The following CCDC192 variants were observed in gnomAD, a reference collection of about 807,000 sequenced individuals.
The protein encoded by CCDC192 is coiled-coil domain-containing protein 192.
chr5:127,898,350 C>T (rs962465883), intron 6 of CCDC192, among the ~76,000 whole-genome samples: 8 of 152,092 alleles, frequency 5.3e-5, no homozygotes, highest in Non-Finnish European at 1.5e-5. Context: ...CTCAAATGAT[C>T]CGCCCACCTC....
chr5:127,714,013 C>T (rs1432523787), intron 2 of CCDC192, among the ~76,000 whole-genome samples: 1 of 152,136 alleles, frequency 6.6e-6, no homozygotes, highest in Non-Finnish European at 1.5e-5. Flanking sequence ...CTTCTTCAGC[C>T]TCTGGTAACC....
intron 2 of CCDC192, among the ~76,000 whole-genome samples, chr5:127,725,441 A>C (rs964374377): frequency 6.6e-6 from 1 of 152,232 alleles, no homozygotes; most frequent in African/African-American, 2.4e-5. Flanking sequence ...GAAAATTTTA[A>C]ACAGGTGAAA....
At chr5:127,715,783 T>C (rs1294969113) in intron 2 of CCDC192, among the ~76,000 whole-genome samples, 1 of 152,178 alleles carries the variant, frequency 6.6e-6, no homozygotes, top group Non-Finnish European at 1.5e-5. Context: ...ATTGTAAAGA[T>C]CTGTTTTTGT....
intron 6 of CCDC192, among the ~76,000 whole-genome samples, chr5:127,936,256 T>C (rs1394407391): frequency 6.6e-6 from 1 of 152,256 alleles, no homozygotes; most frequent in Non-Finnish European, 1.5e-5. Context: ...TCTATTGTTA[T>C]CTATTTAGTT....
chr5:127,916,874 T>C (rs1378489933), intron 6 of CCDC192, among the ~76,000 whole-genome samples: 2 of 152,234 alleles, frequency 1.3e-5, no homozygotes, highest in African/African-American at 4.8e-5. Context: ...AACTTAATGT[T>C]ATCAGTTGTA....
At chr5:127,787,071 C>A in intron 3 of CCDC192, 1 of 260,004 alleles carries the variant, frequency 3.8e-6, no homozygotes, top group South Asian at 6.1e-5. Context: ...CTGTCCAGTG[C>A]AGCAATCCTT....
At chr5:127,776,599 A>G (rs1451794811) in intron 3 of CCDC192, among the ~76,000 whole-genome samples, 1 of 152,220 alleles carries the variant, frequency 6.6e-6, no homozygotes, top group Admixed American at 6.5e-5. Flanking sequence ...TGTTGGAGAA[A>G]ATGTCTCCAG....
At chr5:127,757,072 A>G (rs1415203425) in intron 3 of CCDC192, among the ~76,000 whole-genome samples, 2 of 152,234 alleles carry the variant, frequency 1.3e-5, no homozygotes, top group East Asian at 1.9e-4. Context: ...TGTACCTACC[A>G]TAAGTAAGGT....
At chr5:127,712,348 C>T (rs1424995904) in intron 2 of CCDC192, among the ~76,000 whole-genome samples, 1 of 152,138 alleles carries the variant, frequency 6.6e-6, no homozygotes, top group Non-Finnish European at 1.5e-5. Context: ...GGGGTTGCAT[C>T]CCTCATGAAT....
intron 2 of CCDC192, among the ~76,000 whole-genome samples, chr5:127,730,302 A>G (rs1466350902): frequency 6.6e-6 from 1 of 152,202 alleles, no homozygotes; most frequent in Non-Finnish European, 1.5e-5. Flanking sequence ...GGACATATAT[A>G]TCCTCCCAAG....
chr5:127,882,949 C>T (rs1561538001), intron 6 of CCDC192, among the ~76,000 whole-genome samples: 1 of 152,194 alleles, frequency 6.6e-6, no homozygotes. Flanking sequence ...AACCTTCTTT[C>T]ACCACTGAAA....
rs181846013 is a variant in CCDC192, at chr5:127,732,831, G to A, written c.115-21437G>A. ...ACAGGGAGGGGAATAACACACACTG[G>A]GGCCTGCAAGGGTGAGGGTGGCAGG... On this transcript the variant is annotated intron_variant, in intron 2 of 6. Coordinates refer to ENST00000514853, the MANE Select transcript of CCDC192 (RefSeq NM_001317938.2). Among the ~76,000 whole-genome samples the A allele has an allele frequency of 5.4e-3, 817 of 152,214 alleles. 4 individuals are homozygous for A. The highest frequency in any genetic ancestry group is 9.2e-3 in the Non-Finnish European group (626 of 68,028).
At chr5:127,781,674 T>A (rs1429099962) in intron 3 of CCDC192, among the ~76,000 whole-genome samples, 1 of 152,090 alleles carries the variant, frequency 6.6e-6, no homozygotes, top group Non-Finnish European at 1.5e-5. Flanking sequence ...TACTGATTTG[T>A]GTACACTAAT....
At chr5:127,821,041 A>G (rs1459268122) in intron 5 of CCDC192, among the ~76,000 whole-genome samples, 2 of 152,160 alleles carry the variant, frequency 1.3e-5, no homozygotes, top group East Asian at 1.9e-4. Context: ...ACACACACAC[A>G]TATACACACA....
intron 5 of CCDC192, among the ~76,000 whole-genome samples, chr5:127,827,536 C>A (rs1365079406): frequency 2.0e-5 from 3 of 152,158 alleles, no homozygotes; most frequent in African/African-American, 7.2e-5. Flanking sequence ...TTTATACTGG[C>A]ATGGTTTATG....
chr5:127,719,506 C>CAT (rs71575704), intron 2 of CCDC192, among the ~76,000 whole-genome samples: 6,996 of 124,074 alleles, frequency 0.056, 371 homozygotes, highest in South Asian at 0.084. Context: ...CACACACATA[C>CAT]ATATATATAT....
chr5:127,925,757 C>T (rs187559815), intron 6 of CCDC192, among the ~76,000 whole-genome samples: 38 of 152,264 alleles, frequency 2.5e-4, no homozygotes, highest in Non-Finnish European at 4.3e-4. Flanking sequence ...GCTTCTCGTT[C>T]GCTTAAACCA....
At chr5:127,881,813 C>T (rs1182256154) in intron 6 of CCDC192, among the ~76,000 whole-genome samples, 8 of 152,196 alleles carry the variant, frequency 5.3e-5, no homozygotes, top group Non-Finnish European at 1.2e-4. Context: ...CCATCATTTC[C>T]ACACCTGAAA....
intron 6 of CCDC192, among the ~76,000 whole-genome samples, chr5:127,928,870 A>G (rs1308669776): frequency 3.3e-5 from 5 of 152,084 alleles, no homozygotes; most frequent in Admixed American, 1.3e-4. Flanking sequence ...GCTTCAAGCA[A>G]TTCTCCTGCC....
Sources: allele counts gnomAD v4.1 joint callset (sites outside exome capture counted in the v4.1 genomes callset), GRCh38; gene constraint gnomAD v4.1.1; transcripts MANE v1.5; gene names NCBI Gene and HGNC (gene_info 2026-07-23, HGNC 2026-07-21).